Variants in MRNIP observed in about 807,000 individuals in gnomAD.
The protein encoded by MRNIP is MRN complex-interacting protein.
Under a neutral mutation model 29.8 loss-of-function variants are expected in MRNIP, and 30 were observed. That is an observed-to-expected ratio of 1.01 (90% CI 0.75 to 1.36). The LOEUF (loss-of-function observed/expected upper bound fraction) is 1.36. Ranked by LOEUF, MRNIP falls within the 40% of genes most tolerant of loss-of-function variation. MRNIP has a pLI of 0.00. For missense variants in MRNIP, 459 were observed against 423.5 expected, an observed-to-expected ratio of 1.08 and a Z score of -0.74; for synonymous variants, 201 against 164.1, an observed-to-expected ratio of 1.23 and a Z score of -1.72.
chr5:179,841,900 T>G lies in MRNIP; in HGVS notation c.449+7A>C. ...GGCCAGGGCTGGAACGGAGACGCAC[T>G]TGGTACCTTTTTCTAGGCAGGTCTT... On this transcript the variant is annotated splice_region_variant and intron_variant, in intron 5 of 6. Transcript: ENST00000292586. 6.2e-7 allele frequency: 1 copy of G among 1,613,300 alleles called. No homozygotes were observed. The highest frequency in any genetic ancestry group is 1.1e-5 in the South Asian group (1 of 91,006).
At chr5:179,842,731 G>C (rs61642310) in intron 4 of MRNIP, among the ~76,000 whole-genome samples, 1 of 63,738 alleles carries the variant, frequency 1.6e-5, no homozygotes, top group Non-Finnish European at 3.3e-5. Context: ...AAAAAAAAAA[G>C]AACAGAGGGG....
At chr5:179,853,469 T>A in intron 1 of MRNIP, 32 bp from the exon 2 acceptor site, 1 of 1,572,976 alleles carries the variant, frequency 6.4e-7, no homozygotes. Context: ...ACAACTCAGA[T>A]AATTATTTAA....
chr5:179,842,239 G>A (rs1758911387), intron 4 of MRNIP, among the ~76,000 whole-genome samples, 175 bp from the exon 5 acceptor site: 2 of 152,134 alleles, frequency 1.3e-5, no homozygotes, highest in South Asian at 4.2e-4. Context: ...TGGCAGGACA[G>A]TGCTCACTGG....
intron 2 of MRNIP, among the ~76,000 whole-genome samples, chr5:179,852,687 C>T (rs775722304): frequency 5.9e-5 from 9 of 152,152 alleles, no homozygotes; most frequent in Non-Finnish European, 1.2e-4. Context: ...AAAGAAAGCA[C>T]ATGGCTGTAG....
At chr5:179,855,301 C>T (rs1220355846) in intron 1 of MRNIP, among the ~76,000 whole-genome samples, 10 of 152,038 alleles carry the variant, frequency 6.6e-5, no homozygotes, top group Non-Finnish European at 1.2e-4. Flanking sequence ...CGTGCCACCA[C>T]GCCCGGCTAA....
chr5:179,854,717 A>G (rs1759509675), intron 1 of MRNIP, among the ~76,000 whole-genome samples: 1 of 152,198 alleles, frequency 6.6e-6, no homozygotes, highest in African/African-American at 2.4e-5. Flanking sequence ...TCCAAACAAA[A>G]CAAAAACACT....
At chr5:179,841,161 TA>T (rs1758867850) in intron 5 of MRNIP, 1 of 568,854 alleles carries the variant, frequency 1.8e-6, no homozygotes, top group Admixed American at 3.2e-5. Context: ...GTTTTGTTTT[TA>T]TTTCAGTCAG....
intron 2 of MRNIP, among the ~76,000 whole-genome samples, chr5:179,852,384 G>C (rs942001545): frequency 6.6e-6 from 1 of 152,026 alleles, no homozygotes; most frequent in African/African-American, 2.4e-5. Flanking sequence ...AGGTTTTTGT[G>C]AAAAGCTTCA....
intron 2 of MRNIP, 34 bp downstream of exon 2, chr5:179,853,344 G>T: frequency 6.2e-7 from 1 of 1,607,544 alleles, no homozygotes. Flanking sequence ...CTGCAGGCCT[G>T]CGCCCCACTT....
intron 4 of MRNIP, among the ~76,000 whole-genome samples, chr5:179,843,063 G>GAGGGAGGA (rs1554093131): frequency 9.7e-6 from 1 of 103,358 alleles, no homozygotes; most frequent in Non-Finnish European, 2.3e-5. Flanking sequence ...GGAAGGAAGG[G>GAGGGAGGA]AGGGAGGGAG....
intron 2 of MRNIP, chr5:179,853,161 G>A (rs966369310): frequency 7.1e-7 from 1 of 1,415,026 alleles, no homozygotes; most frequent in Non-Finnish European, 9.6e-7. Context: ...AAGTACTCAA[G>A]AAATACTTGC....
chr5:179,855,087 C>A (rs750427163), intron 1 of MRNIP, among the ~76,000 whole-genome samples: 15 of 152,166 alleles, frequency 9.9e-5, no homozygotes, highest in Non-Finnish European at 1.8e-4. Flanking sequence ...AACTCCTGAC[C>A]TCAAATGATC....
At chr5:179,853,055 A>C (rs1211517880) in intron 2 of MRNIP, 10 of 459,834 alleles carry the variant, frequency 2.2e-5, no homozygotes, top group Admixed American at 3.3e-5. Context: ...GCATGTGTGC[A>C]TTAGTTTCTC....
At chr5:179,858,453 G>A (rs1012348041) in intron 1 of MRNIP, among the ~76,000 whole-genome samples, 1 of 152,178 alleles carries the variant, frequency 6.6e-6, no homozygotes, top group African/African-American at 2.4e-5. Flanking sequence ...TAGGCTCTGC[G>A]TAAAGGATGC....
At position 179,844,095 on chromosome 5, in the gene MRNIP, G is replaced by T. The variant is rs369796662; in HGVS notation, c.291+57C>A. On this transcript the variant is annotated intron_variant, in intron 4 of 6. Transcript: ENST00000292586. Reference sequence around the variant, plus strand: ...TATAATGACTACTGGATACATCTGTGCATTCATCCCTTCCCTGACACAGAG... The same window carrying T: ...TATAATGACTACTGGATACATCTGTTCATTCATCCCTTCCCTGACACAGAG... 9.4e-6 allele frequency: 13 copies of T among 1,381,240 alleles called. No homozygotes were observed. In the African/African-American group the frequency reaches 1.7e-4, roughly 18 times the overall value. 85.6% of individuals were successfully genotyped at this position (1,381,240 alleles called of 1,614,324 possible). A position where few individuals can be genotyped will look rare whatever the true frequency, so the allele number is the denominator to read the frequency against.
rs1157793435 is a variant in MRNIP, at chr5:179,837,506, T to C, written c.917A>G (p.Asp306Gly). ...SERPCGKTSW[D>G]ARTPWAEGGP... ...ACCCTCTGCCCAGGGAGTCCTTGCG[T>C]CCCATGAGGTCTTCCCGCAAGGCCT... The change falls in exon 7 of 7, where the codon GAC becomes GGC. Residue 306 changes from aspartate to glycine, a missense_variant. Asp to Gly is a moderately conservative substitution (Grantham distance 94). Coordinates refer to ENST00000292586, the MANE Select transcript of MRNIP (RefSeq NM_016175.4). The C allele has an allele frequency of 6.2e-7, 1 of 1,614,148 alleles. No homozygotes were observed. The highest frequency in any genetic ancestry group is 8.5e-7 in the Non-Finnish European group (1 of 1,180,012).
intron 3 of MRNIP, among the ~76,000 whole-genome samples, chr5:179,844,611 A>G (rs1759054038): frequency 6.6e-6 from 1 of 151,954 alleles, no homozygotes; most frequent in African/African-American, 2.4e-5. Context: ...TTTTTATTGT[A>G]GAGACGGTTT....
chr5:179,852,784 G>T (rs1425736629), intron 2 of MRNIP, among the ~76,000 whole-genome samples: 2 of 152,192 alleles, frequency 1.3e-5, no homozygotes, highest in African/African-American at 4.8e-5. Flanking sequence ...AAAGGATGCA[G>T]GACAGTTTGG....
intron 3 of MRNIP, among the ~76,000 whole-genome samples, chr5:179,844,525 G>A (rs1267590041): frequency 6.6e-6 from 1 of 152,080 alleles, no homozygotes; most frequent in Non-Finnish European, 1.5e-5. Flanking sequence ...GGGCTCAGGT[G>A]GATCCTCCCA....
Sources: gnomAD v4.1 joint callset for allele counts (sites outside exome capture counted in the v4.1 genomes callset) on GRCh38, gnomAD v4.1.1 for gene constraint, MANE v1.5 for transcripts, NCBI Gene and HGNC (gene_info 2026-07-23, HGNC 2026-07-21) for gene names.